Variants in VWA8 observed in about 807,000 individuals in gnomAD.
VWA8 encodes the protein von Willebrand factor A domain containing 8, also known as von Willebrand factor A domain-containing protein 8.
In VWA8, 221 loss-of-function variants were observed where a neutral mutation model predicts 241.5. The ratio of observed to expected loss-of-function variants is 0.91; its 90% confidence interval spans 0.82 to 1.02. The LOEUF is 1.02. VWA8 is among the 50% of genes least tolerant of loss of function. The probability of loss-of-function intolerance (pLI) is 0.00; values close to 1 mark genes in which losing one functional copy is unlikely to be tolerated. For synonymous variants in VWA8, 852 were observed against 827.1 expected, an observed-to-expected ratio of 1.03 and a Z score of -0.52; for missense variants, 2,322 against 2,328.7, an observed-to-expected ratio of 1.00 and a Z score of 0.06.
chr13:41,655,383 C>CCGGCCAAGTTATTCTTTTAAGTGG (rs2044897103), intron 37 of VWA8, among the ~76,000 whole-genome samples: 1 of 151,940 alleles, frequency 6.6e-6, no homozygotes, highest in African/African-American at 2.4e-5. Flanking sequence ...GCCACCACGC[C>CCGGCCAAGTTATTCTTTTAAGTGG]CAGCCAGTAT....
At chr13:41,748,513 C>A (rs543479180) in intron 21 of VWA8, among the ~76,000 whole-genome samples, 10 of 151,994 alleles carry the variant, frequency 6.6e-5, no homozygotes, top group Non-Finnish European at 1.2e-4. Context: ...GTCTTGCTAG[C>A]GGTCTATCAA....
At chr13:41,857,655 T>C (rs1311973700) in intron 12 of VWA8, among the ~76,000 whole-genome samples, 1 of 152,192 alleles carries the variant, frequency 6.6e-6, no homozygotes, top group African/African-American at 2.4e-5. Context: ...GATCCTCTTA[T>C]AGCATTCTCC....
chr13:41,861,496 G>A (rs1233871736), intron 12 of VWA8, among the ~76,000 whole-genome samples: 2 of 152,092 alleles, frequency 1.3e-5, no homozygotes, highest in Admixed American at 1.3e-4. Flanking sequence ...AGGAAAAGGG[G>A]AAGTCAAGCT....
chr13:41,825,786 A>C (rs1871149309), intron 14 of VWA8, among the ~76,000 whole-genome samples: 1 of 152,272 alleles, frequency 6.6e-6, no homozygotes, highest in Non-Finnish European at 1.5e-5. Context: ...ATGAAAGGAC[A>C]GACAATGTGG....
At chr13:41,797,009 T>C (rs976230780) in intron 17 of VWA8, among the ~76,000 whole-genome samples, 1 of 152,076 alleles carries the variant, frequency 6.6e-6, no homozygotes, top group East Asian at 1.9e-4. Context: ...TATTCTTTGC[T>C]ATTTACTGAA....
intron 40 of VWA8, among the ~76,000 whole-genome samples, chr13:41,604,501 C>T (rs889607211): frequency 9.9e-5 from 15 of 152,048 alleles, no homozygotes; most frequent in East Asian, 3.9e-4. Context: ...GGATTAAAAA[C>T]GGCATCACAG....
chr13:41,887,115 C>A, intron 6 of VWA8, 82 bp downstream of exon 6: 1 of 1,463,796 alleles, frequency 6.8e-7, no homozygotes, highest in Non-Finnish European at 9.2e-7. Flanking sequence ...TTCAAAACTG[C>A]AGTAACATTT....
At chr13:41,575,926 A>G (rs2139635993) in intron 42 of VWA8, 88 bp from the exon 43 acceptor site, 6 of 993,690 alleles carry the variant, frequency 6.0e-6, no homozygotes, top group Non-Finnish European at 9.1e-6. Flanking sequence ...TTGGACCATT[A>G]TTGTCCAAAG....
At chr13:41,638,881 G>A (rs142525117) in intron 37 of VWA8, among the ~76,000 whole-genome samples, 7 of 152,282 alleles carry the variant, frequency 4.6e-5, no homozygotes, top group Non-Finnish European at 1.0e-4. Context: ...GAGAGAATGT[G>A]ATCCCAGAGA....
intron 2 of VWA8, among the ~76,000 whole-genome samples, chr13:41,916,372 G>A (rs1876255529): frequency 6.6e-6 from 1 of 152,148 alleles, no homozygotes; most frequent in African/African-American, 2.4e-5. Context: ...TTCAACAGGT[G>A]TCCAGCTTCA....
chr13:41,816,280 C>T (rs1386396721), intron 16 of VWA8, among the ~76,000 whole-genome samples: 2 of 152,090 alleles, frequency 1.3e-5, no homozygotes, highest in African/African-American at 4.8e-5. Context: ...TAAACAGTGA[C>T]AGCCCTCTAT....
intron 4 of VWA8, among the ~76,000 whole-genome samples, chr13:41,905,718 G>C (rs1008877347): frequency 6.6e-6 from 1 of 151,976 alleles, no homozygotes; most frequent in African/African-American, 2.4e-5. Flanking sequence ...AGATCAGTCT[G>C]ATTGTTAATG....
Position 41,729,770 on chromosome 13 carries a change from CTTTA to C in VWA8, c.2503-97_2503-94del, listed in dbSNP as rs1384484342. On this transcript the variant is annotated intron_variant, in intron 22 of 44. Transcript: ENST00000379310. ...ACTGCTTTGGACTTATAACAGCTGG[CTTTA>C]TTTAAGTTACAAGTATACACGTAGA... 9.6e-6 allele frequency: 12 copies of C among 1,248,684 alleles called. No homozygotes were observed. In the African/African-American group the frequency reaches 1.9e-4, roughly 19 times the overall value. The allele number at this position is 1,248,684 out of a possible 1,614,324, so 77.4% of individuals were successfully genotyped here. A position where few individuals can be genotyped will look rare whatever the true frequency, so the allele number is the denominator to read the frequency against.
intron 43 of VWA8, among the ~76,000 whole-genome samples, chr13:41,574,463 A>C (rs1401162139): frequency 6.6e-6 from 1 of 152,222 alleles, no homozygotes; most frequent in East Asian, 1.9e-4. Context: ...CTCATAGATG[A>C]GGAGAATCAA....
chr13:41,744,864 GTC>G (rs1453973583), intron 21 of VWA8, among the ~76,000 whole-genome samples: 1 of 151,964 alleles, frequency 6.6e-6, no homozygotes, highest in African/African-American at 2.4e-5. Flanking sequence ...TTGAGATGGA[GTC>G]TTGCTCTGTC....
chr13:41,586,651 G>A (rs1356005800), intron 42 of VWA8, among the ~76,000 whole-genome samples: 2 of 152,116 alleles, frequency 1.3e-5, no homozygotes, highest in Non-Finnish European at 2.9e-5. Context: ...ATAACACAGA[G>A]ACACAACTCA....
chr13:41,876,459 C>A (rs1182515317), intron 9 of VWA8, among the ~76,000 whole-genome samples: 1 of 152,092 alleles, frequency 6.6e-6, no homozygotes, highest in Non-Finnish European at 1.5e-5. Flanking sequence ...CGTTTTTATA[C>A]TGGTTATCCC....
At chr13:41,868,855 T>C (rs1485316699) in intron 9 of VWA8, among the ~76,000 whole-genome samples, 1 of 119,102 alleles carries the variant, frequency 8.4e-6, no homozygotes, top group Non-Finnish European at 1.6e-5. Context: ...GCCACTGCAC[T>C]CCAGCATGGG....
intron 2 of VWA8, among the ~76,000 whole-genome samples, chr13:41,934,913 A>G (rs1877282002): frequency 6.6e-6 from 1 of 152,098 alleles, no homozygotes; most frequent in African/African-American, 2.4e-5. Flanking sequence ...GTTATACCTA[A>G]TAATACTGTT....
Sources: allele counts gnomAD v4.1 joint callset (sites outside exome capture counted in the v4.1 genomes callset), GRCh38; gene constraint gnomAD v4.1.1; transcripts MANE v1.5; gene names NCBI Gene and HGNC (gene_info 2026-07-23, HGNC 2026-07-21).